Variants in GAREM1 observed in about 807,000 individuals in gnomAD.
GAREM1 encodes the protein GRB2-associated and regulator of MAPK protein 1.
Under a neutral mutation model 71.3 loss-of-function variants are expected in GAREM1, and 26 were observed. The ratio of observed to expected loss-of-function variants is 0.36; its 90% CI spans 0.27 to 0.51. The LOEUF (loss-of-function observed/expected upper bound fraction) is 0.51. GAREM1 is among the 20% of genes least tolerant of loss of function. GAREM1 has a pLI of 0.95. For synonymous variants in GAREM1, 440 were observed against 433.2 expected (o/e 1.02, Z -0.20); for missense variants, 1,026 against 1,103.1 (o/e 0.93, Z 0.99).
intron 2 of GAREM1, among the ~76,000 whole-genome samples, chr18:32,325,083 G>A (rs661733): frequency 0.088 from 13,445 of 152,044 alleles, 655 homozygotes; most frequent in South Asian, 0.12. Context: ...CTCAGCCTCC[G>A]GAGTAGCTGG....
intron 2 of GAREM1, among the ~76,000 whole-genome samples, chr18:32,327,853 T>G (rs1415214131): frequency 6.6e-6 from 1 of 152,172 alleles, no homozygotes; most frequent in African/African-American, 2.4e-5. Flanking sequence ...GGGGCTTCAG[T>G]TTCCTCACAT....
intron 2 of GAREM1, among the ~76,000 whole-genome samples, chr18:32,375,357 C>T (rs997595091): frequency 2.0e-5 from 3 of 152,114 alleles, no homozygotes; most frequent in African/African-American, 7.2e-5. Flanking sequence ...GCTGTAAAAC[C>T]TAAGCTACAT....
At chr18:32,413,156 A>G in intron 1 of GAREM1, 3 of 1,574,996 alleles carry the variant, frequency 1.9e-6, no homozygotes, top group Non-Finnish European at 2.6e-6. Flanking sequence ...CGGGCTCTTT[A>G]GGAGACTCTG....
intron 1 of GAREM1, among the ~76,000 whole-genome samples, chr18:32,425,873 G>A (rs1170705781): frequency 2.6e-5 from 4 of 152,168 alleles, no homozygotes; most frequent in Admixed American, 2.6e-4. Context: ...TATTCAGACA[G>A]TTAAGTGGTC....
At chr18:32,428,775 T>C (rs1044731143) in intron 1 of GAREM1, among the ~76,000 whole-genome samples, 6 of 152,208 alleles carry the variant, frequency 3.9e-5, no homozygotes, top group Non-Finnish European at 7.4e-5. Flanking sequence ...CATTTAATAC[T>C]AAATGCTTCA....
Position 32,265,623 on chromosome 18 carries a change from A to G in GAREM1, c.*2248T>C, listed in dbSNP as rs1214810506. ...AGGAGTCTCTGCGTTGCCAATCAATATAAACTTGACAAAAATACACCAAGT... is the reference window on the plus strand; with the variant it reads ...AGGAGTCTCTGCGTTGCCAATCAATGTAAACTTGACAAAAATACACCAAGT... On this transcript the variant is annotated 3_prime_UTR_variant, in exon 6 of 6. Coordinates refer to ENST00000269209, the MANE Select transcript of GAREM1 (RefSeq NM_001242409.2). 6.6e-6 allele frequency: 1 copy of G among 152,212 alleles called. No individual in the cohort carries two copies. Among genetic ancestry groups the G allele is most frequent in the Non-Finnish European group, 1.5e-5 (1 of 68,042 alleles). 9.4% of individuals were successfully genotyped at this position (152,212 alleles called of 1,614,324 possible). A position where few individuals can be genotyped will look rare whatever the true frequency, so the allele number is the denominator to read the frequency against.
At chr18:32,307,175 T>G (rs771588159) in intron 3 of GAREM1, among the ~76,000 whole-genome samples, 12 of 152,220 alleles carry the variant, frequency 7.9e-5, no homozygotes, top group Non-Finnish European at 1.6e-4. Flanking sequence ...CAGTTTGGAC[T>G]TGTAAATAAA....
chr18:32,313,579 AG>A (rs1222099375), intron 2 of GAREM1, among the ~76,000 whole-genome samples: 1 of 152,182 alleles, frequency 6.6e-6, no homozygotes, highest in Non-Finnish European at 1.5e-5. Flanking sequence ...AATAACAGCA[AG>A]CCAGGAACTA....
Position 32,470,456 on chromosome 18 carries a change from C to T in GAREM1, c.-28G>A. ...TCCCCGAAGCCTCCTGTCCCGCGCT[C>T]CCCCGCCGCCGCCACCGGCACCACC... On this transcript the variant is annotated 5_prime_UTR_variant, in exon 1 of 6. Transcript: ENST00000269209. This position sits in a 1 kb window ranked among gnomAD's most constrained non-coding sequence, Gnocchi z 4.4. The T allele has an allele frequency of 8.4e-6, 11 of 1,302,836 alleles. No individual in the cohort carries two copies. The highest frequency in any genetic ancestry group is 3.1e-5 in the East Asian group (1 of 32,212). 80.7% of individuals were successfully genotyped at this position (1,302,836 alleles called of 1,614,324 possible). A position where few individuals can be genotyped will look rare whatever the true frequency, so the allele number is the denominator to read the frequency against.
At chr18:32,271,512 T>C (rs139374264) in intron 4 of GAREM1, among the ~76,000 whole-genome samples, 49 of 152,296 alleles carry the variant, frequency 3.2e-4, no homozygotes, top group Admixed American at 1.4e-3. Context: ...AATATGAGTG[T>C]GTATCATCTA....
intron 3 of GAREM1, among the ~76,000 whole-genome samples, chr18:32,294,699 T>C (rs1039219963): frequency 6.6e-6 from 1 of 152,204 alleles, no homozygotes; most frequent in African/African-American, 2.4e-5. Context: ...TATGTTTTAT[T>C]GCTATTTTGC....
intron 1 of GAREM1, among the ~76,000 whole-genome samples, chr18:32,455,648 C>CA (rs2048880325): frequency 2.6e-5 from 4 of 152,136 alleles, no homozygotes; most frequent in Admixed American, 2.0e-4. Context: ...TTCAGAGACT[C>CA]ACCAGGGTAC....
chr18:32,388,780 C>T (rs879587091), intron 2 of GAREM1, among the ~76,000 whole-genome samples: 2 of 152,138 alleles, frequency 1.3e-5, no homozygotes, highest in Non-Finnish European at 2.9e-5. Flanking sequence ...TAAAGAGATA[C>T]AAGAGCAAAA....
At chr18:32,431,457 G>A (rs191485651) in intron 1 of GAREM1, among the ~76,000 whole-genome samples, 46 of 152,062 alleles carry the variant, frequency 3.0e-4, no homozygotes, top group African/African-American at 7.2e-4. Context: ...GTAAAACCCC[G>A]TCTCTACTAA....
intron 4 of GAREM1, among the ~76,000 whole-genome samples, chr18:32,275,110 G>C (rs988068308): frequency 8.5e-5 from 13 of 152,116 alleles, no homozygotes; most frequent in African/African-American, 2.7e-4. Flanking sequence ...GGCACCAGAA[G>C]ACCTGCCACA....
intron 2 of GAREM1, among the ~76,000 whole-genome samples, chr18:32,320,035 A>T (rs1260989775): frequency 6.6e-6 from 1 of 152,186 alleles, no homozygotes; most frequent in Non-Finnish European, 1.5e-5. Flanking sequence ...CTAAATGAGG[A>T]ATTGCTGAGC....
At chr18:32,416,672 G>A (rs969488398) in intron 1 of GAREM1, among the ~76,000 whole-genome samples, 6 of 152,082 alleles carry the variant, frequency 3.9e-5, no homozygotes, top group African/African-American at 9.7e-5. Context: ...ACATTCATAC[G>A]CAGAAGAATG....
At chr18:32,320,333 ATCTTAATC>A (rs528316280) in intron 2 of GAREM1, among the ~76,000 whole-genome samples, 34 of 152,252 alleles carry the variant, frequency 2.2e-4, no homozygotes, top group South Asian at 6.2e-4. Context: ...ATTTCTGCTG[ATCTTAATC>A]ATAGTCTTAA....
At chr18:32,286,092 C>T (rs1411846825) in intron 4 of GAREM1, among the ~76,000 whole-genome samples, 1 of 152,162 alleles carries the variant, frequency 6.6e-6, no homozygotes, top group Non-Finnish European at 1.5e-5. Context: ...AATAGAATTA[C>T]ACTTAATACC....
Sources: gnomAD v4.1 joint callset for allele counts (sites outside exome capture counted in the v4.1 genomes callset) on GRCh38, gnomAD v4.1.1 for gene constraint, Gnocchi (gnomAD v3.1) non-coding constraint, MANE v1.5 for transcripts, NCBI Gene and HGNC (gene_info 2026-07-23, HGNC 2026-07-21) for gene names.